The following IMMP2L variants were observed in gnomAD, a reference collection of about 807,000 sequenced individuals.
IMMP2L encodes inner mitochondrial membrane peptidase subunit 2.
A neutral mutation model predicts 19.3 loss-of-function variants in IMMP2L; 18 were observed. That is an observed-to-expected ratio of 0.93 (90% CI 0.64 to 1.38). IMMP2L has a LOEUF of 1.38. IMMP2L is among the 40% of genes most tolerant of loss of function. The pLI is 0.00. For synonymous variants in IMMP2L, 76 were observed against 73.0 expected, an observed-to-expected ratio of 1.04 and a Z score of -0.21; for missense variants, 233 against 218.2, an observed-to-expected ratio of 1.07 and a Z score of -0.43.
intron 5 of IMMP2L, among the ~76,000 whole-genome samples, chr7:110,736,180 G>A (rs1796624240): frequency 6.6e-6 from 1 of 152,104 alleles, no homozygotes. Flanking sequence ...GAGCTATGGG[G>A]GCTTGGCTAC....
At chr7:110,719,677 C>T (rs1795450272) in intron 5 of IMMP2L, among the ~76,000 whole-genome samples, 1 of 152,134 alleles carries the variant, frequency 6.6e-6, no homozygotes, top group Non-Finnish European at 1.5e-5. Flanking sequence ...TTGAAGGAAT[C>T]ATCAAAGAAG....
chr7:111,298,800 C>T (rs1821901919), intron 3 of IMMP2L, among the ~76,000 whole-genome samples: 2 of 148,666 alleles, frequency 1.3e-5, no homozygotes, highest in Admixed American at 6.7e-5. Context: ...CAAGGATATA[C>T]ATATATCTAA....
chr7:111,513,564 A>G (rs998987189), intron 2 of IMMP2L, among the ~76,000 whole-genome samples: 1 of 152,136 alleles, frequency 6.6e-6, no homozygotes, highest in African/African-American at 2.4e-5. Context: ...AAAGAATTGA[A>G]AACAGAACTA....
intron 3 of IMMP2L, among the ~76,000 whole-genome samples, chr7:111,448,315 T>G (rs1396741950): frequency 7.2e-5 from 10 of 138,808 alleles, no homozygotes; most frequent in South Asian, 2.4e-4. Flanking sequence ...GAAGTAAAGC[T>G]CTCCTCAGCA....
At chr7:111,332,519 C>T (rs1265245710) in intron 3 of IMMP2L, among the ~76,000 whole-genome samples, 5 of 151,794 alleles carry the variant, frequency 3.3e-5, no homozygotes, top group Admixed American at 2.6e-4. Context: ...TAATATAGTA[C>T]CTTTTTGTAA....
intron 5 of IMMP2L, among the ~76,000 whole-genome samples, chr7:110,869,518 C>T (rs117426423): frequency 2.2e-3 from 332 of 152,186 alleles, no homozygotes; most frequent in Non-Finnish European, 3.0e-3. Flanking sequence ...TGTGTTTAAA[C>T]AGTATGTGAA....
intron 2 of IMMP2L, among the ~76,000 whole-genome samples, chr7:111,508,881 G>A (rs116979967): frequency 0.011 from 1,714 of 152,106 alleles, 16 homozygotes; most frequent in Non-Finnish European, 0.018. Flanking sequence ...TGGAAGGGGG[G>A]TTTCACTGGG....
intron 1 of IMMP2L, among the ~76,000 whole-genome samples, chr7:111,552,294 T>G (rs1790759174): frequency 6.6e-6 from 1 of 152,136 alleles, no homozygotes; most frequent in Admixed American, 6.5e-5. Flanking sequence ...TTGTTTTGTT[T>G]TGTTTTGTTT....
intron 4 of IMMP2L, among the ~76,000 whole-genome samples, chr7:110,898,934 A>C (rs1204883704): frequency 6.6e-6 from 1 of 151,976 alleles, no homozygotes; most frequent in Non-Finnish European, 1.5e-5. Flanking sequence ...CAGAGTTAAT[A>C]ATATTTTTAA....
At chr7:111,092,177 G>A (rs769262877) in intron 3 of IMMP2L, among the ~76,000 whole-genome samples, 14 of 152,096 alleles carry the variant, frequency 9.2e-5, no homozygotes, top group South Asian at 2.1e-4. Flanking sequence ...ACATCCCCTC[G>A]CTGGTCTGAA....
intron 3 of IMMP2L, among the ~76,000 whole-genome samples, chr7:111,267,020 G>A (rs1368060047): frequency 7.9e-5 from 12 of 152,016 alleles, no homozygotes; most frequent in Admixed American, 2.6e-4. Context: ...CCCAAAGGCC[G>A]CCCTTAACTG....
chr7:111,074,253 G>C (rs1795198803), intron 3 of IMMP2L, among the ~76,000 whole-genome samples: 1 of 152,196 alleles, frequency 6.6e-6, no homozygotes, highest in Non-Finnish European at 1.5e-5. Flanking sequence ...TTCACTTCCT[G>C]ACCTGACTGT....
At chr7:110,931,338 T>C (rs1815461445) in intron 4 of IMMP2L, among the ~76,000 whole-genome samples, 1 of 152,176 alleles carries the variant, frequency 6.6e-6, no homozygotes, top group African/African-American at 2.4e-5. Context: ...GAACTCTTCT[T>C]CATTGAGTAT....
intron 3 of IMMP2L, among the ~76,000 whole-genome samples, chr7:111,314,408 T>C (rs897320222): frequency 2.4e-4 from 37 of 152,112 alleles, no homozygotes; most frequent in African/African-American, 8.9e-4. Flanking sequence ...AGGCAAAAGG[T>C]GAGCAAAGTA....
At chr7:110,973,827 A>C (rs1271694231) in intron 3 of IMMP2L, among the ~76,000 whole-genome samples, 1 of 152,104 alleles carries the variant, frequency 6.6e-6, no homozygotes, top group East Asian at 1.9e-4. Flanking sequence ...TGTCATGTTG[A>C]TGCTCTTTGT....
chr7:110,848,444 T>C (rs1805885209), intron 5 of IMMP2L, among the ~76,000 whole-genome samples: 1 of 152,168 alleles, frequency 6.6e-6, no homozygotes, highest in African/African-American at 2.4e-5. Context: ...ACAGGAAATC[T>C]CACTGATAGC....
chr7:110,946,351 A>G (rs1008036988), intron 4 of IMMP2L, among the ~76,000 whole-genome samples: 1 of 152,186 alleles, frequency 6.6e-6, no homozygotes. Context: ...GGTCCTCTAC[A>G]ATAAAGTATT....
At chr7:111,229,236 C>G (rs1813454174) in intron 3 of IMMP2L, among the ~76,000 whole-genome samples, 1 of 151,782 alleles carries the variant, frequency 6.6e-6, no homozygotes, top group South Asian at 2.1e-4. Context: ...TTTTTTAAAA[C>G]TACTGATTTA....
chr7:110,945,365 C>T (rs778606784), intron 4 of IMMP2L, among the ~76,000 whole-genome samples: 15 of 151,964 alleles, frequency 9.9e-5, no homozygotes, highest in East Asian at 7.7e-4. Context: ...CACAGTAATC[C>T]GGGGAGGAAA....
Sources: allele counts gnomAD v4.1 joint callset (sites outside exome capture counted in the v4.1 genomes callset), GRCh38; gene constraint gnomAD v4.1.1; transcripts MANE v1.5; gene names NCBI Gene and HGNC (gene_info 2026-07-23, HGNC 2026-07-21).